SYT16: variants seen among roughly 807,000 people sequenced by gnomAD.
The protein encoded by SYT16 is synaptotagmin 16.
SYT16 carries 42 observed loss-of-function variants against 61.4 expected under a neutral mutation model. That is an observed-to-expected ratio of 0.68 (90% CI 0.53 to 0.89). The LOEUF is 0.89. SYT16 is among the 40% of genes least tolerant of loss of function. The probability of loss-of-function intolerance (pLI) is 0.00; values close to 1 mark genes in which losing one functional copy is unlikely to be tolerated. For synonymous variants in SYT16, 314 were observed against 302.3 expected (o/e 1.04, Z -0.40); for missense variants, 804 against 807.3 (o/e 1.00, Z 0.05).
At chr14:62,077,320 A>G (rs1347692425) in intron 5 of SYT16, among the ~76,000 whole-genome samples, 1 of 152,232 alleles carries the variant, frequency 6.6e-6, no homozygotes, top group East Asian at 1.9e-4. Context: ...TTGGAGCTCA[A>G]GGAATCATTT....
rs140979345 is a variant in SYT16 at position 62,077,279 on chromosome 14, G to A, written c.993+1888G>A. ...CCTGGGTTTTGACAATTTGACACAA[G>A]TATTCTCATCTTAAGGAAAAGCCCA... On this transcript the variant is annotated intron_variant, in intron 5 of 7. Coordinates refer to ENST00000683842, the MANE Select transcript of SYT16 (RefSeq NM_001367656.1). Among the ~76,000 whole-genome samples the A allele has an allele frequency of 2.3e-3, 354 of 152,324 alleles. 1 individual carries two copies. The highest frequency in any genetic ancestry group is 3.5e-3 in the Non-Finnish European group (241 of 68,022).
rs2047680299 is a variant in SYT16 at position 61,881,056 on chromosome 14, A to C, written c.-325+68246A>C. 2.6e-5 allele frequency among the ~76,000 whole-genome samples: 4 copies of C among 152,228 alleles called. No homozygotes were observed. In the South Asian group the frequency reaches 8.3e-4, roughly 32 times the overall value. On this transcript the variant is annotated intron_variant, in intron 1 of 7. Coordinates refer to ENST00000683842, the MANE Select transcript of SYT16 (RefSeq NM_001367656.1). ...AAACAGAACATTATTTGCATCCATG[A>C]AGCCCCCCTGGTGCTCTCTTCCATC...
chr14:61,837,849 C>T (rs1463640426), intron 1 of SYT16, among the ~76,000 whole-genome samples: 1 of 152,228 alleles, frequency 6.6e-6, no homozygotes, highest in Non-Finnish European at 1.5e-5. Context: ...ATGTCTTTCT[C>T]AGTATCCAGC....
In SYT16 at chr14:62,107,006, C is replaced by T. The variant is rs2057525725; in HGVS notation, c.*6299C>T. 6.6e-6 allele frequency: 1 copy of T among 151,660 alleles called. No homozygotes were observed. Among genetic ancestry groups the T allele is most frequent in the African/African-American group, 2.4e-5 (1 of 41,224 alleles). The allele number at this position is 151,660 out of a possible 1,614,324, so 9.4% of individuals were successfully genotyped here. A position where few individuals can be genotyped will look rare whatever the true frequency, so the allele number is the denominator to read the frequency against. On this transcript the variant is annotated 3_prime_UTR_variant, in exon 8 of 8. Transcript: ENST00000683842. ...TGAGTGACAGTGTTACCAGTTTTAC[C>T]TTGAGGATGATGAGAAGGCTGACTT...
chr14:62,067,800 AAAACAAACAAAC>A (rs137880362), intron 3 of SYT16, among the ~76,000 whole-genome samples: 3 of 151,620 alleles, frequency 2.0e-5, no homozygotes, highest in South Asian at 2.1e-4. Context: ...TGTCTCTACT[AAAACAAACAAAC>A]AAACAAACAA....
chr14:61,932,224 C>T (rs1239960638), intron 1 of SYT16, among the ~76,000 whole-genome samples: 4 of 152,194 alleles, frequency 2.6e-5, no homozygotes, highest in East Asian at 3.8e-4. Flanking sequence ...GGGTTGGCCT[C>T]GCCTTTCTGA....
chr14:61,858,956 G>A (rs1238996691), intron 1 of SYT16, among the ~76,000 whole-genome samples: 9 of 150,872 alleles, frequency 6.0e-5, no homozygotes, highest in Admixed American at 3.9e-4. Context: ...CTGGGTTCAC[G>A]CCATTCTCCT....
intron 2 of SYT16, among the ~76,000 whole-genome samples, chr14:61,976,627 C>G (rs1010751866): frequency 6.6e-6 from 1 of 152,140 alleles, no homozygotes; most frequent in Non-Finnish European, 1.5e-5. Context: ...TATGTTGGCC[C>G]CTTTTAGCCA....
intron 1 of SYT16, among the ~76,000 whole-genome samples, chr14:61,874,378 G>A (rs572904143): frequency 6.6e-5 from 10 of 152,178 alleles, no homozygotes; most frequent in Non-Finnish European, 8.8e-5. Context: ...CCGACTTTTT[G>A]TATGAGTGGG....
intron 1 of SYT16, among the ~76,000 whole-genome samples, chr14:61,954,348 G>A (rs2050788889): frequency 6.9e-6 from 1 of 144,702 alleles, no homozygotes. Context: ...ACCATGGAAT[G>A]AAATTTACAA....
intron 3 of SYT16, among the ~76,000 whole-genome samples, chr14:62,044,476 G>A (rs2054881818): frequency 6.6e-6 from 1 of 151,790 alleles, no homozygotes; most frequent in Non-Finnish European, 1.5e-5. Context: ...AACAGGCCCT[G>A]GTGTGTGATG....
At chr14:62,061,886 T>C (rs914128125) in intron 3 of SYT16, among the ~76,000 whole-genome samples, 5 of 152,286 alleles carry the variant, frequency 3.3e-5, no homozygotes, top group African/African-American at 9.6e-5. Flanking sequence ...CTTTCAGAAA[T>C]TGGATCTCCT....
chr14:61,828,390 G>T lies in SYT16; in HGVS notation c.-325+15580G>T, dbSNP rs186132868. On this transcript the variant is annotated intron_variant, in intron 1 of 7. Transcript: ENST00000683842. ...CTCTTCTTTCACTCCTGATGATCCAGATTTCTCTTAATAATATTTCCCTTC... is the reference window on the plus strand; with the variant it reads ...CTCTTCTTTCACTCCTGATGATCCATATTTCTCTTAATAATATTTCCCTTC... Among the ~76,000 whole-genome samples, 148 of 152,318 alleles carry T rather than the reference G, an allele frequency of 9.7e-4. 2 individuals carry two copies. Among genetic ancestry groups the T allele is most frequent in the Admixed American group, 3.5e-3 (53 of 15,300 alleles).
intron 1 of SYT16, among the ~76,000 whole-genome samples, chr14:61,849,678 G>T (rs541925863): frequency 9.4e-6 from 1 of 106,666 alleles, no homozygotes; most frequent in East Asian, 2.4e-4. Flanking sequence ...ACCTCATGTG[G>T]CCACTGTCGG....
intron 1 of SYT16, among the ~76,000 whole-genome samples, chr14:61,903,501 A>G: frequency 6.6e-6 from 1 of 152,230 alleles, no homozygotes; most frequent in Non-Finnish European, 1.5e-5. Flanking sequence ...AAATTAGGTT[A>G]TGAATAAAGA....
At position 62,080,967 on chromosome 14, in the gene SYT16, G is replaced by A; in HGVS notation, c.1127G>A (p.Gly376Asp). ...KLTVTIVRAQGLPDKDRSGVN... is the reference protein window; with the variant it reads ...KLTVTIVRAQDLPDKDRSGVN... ...ACAGTGACCATTGTGAGGGCACAGG[G>A]CCTCCCAGATAAGGACCGAAGTGGT... is the stretch of plus-strand genomic sequence containing the variant. The change falls in exon 6 of 8, where the codon GGC becomes GAC. Residue 376 changes from glycine (G) to aspartate (D), a missense_variant. Transcript: ENST00000683842. 6.2e-7 allele frequency: 1 copy of A among 1,612,630 alleles called. No individual in the cohort carries two copies. Among genetic ancestry groups the A allele is most frequent in the Non-Finnish European group, 8.5e-7 (1 of 1,179,306 alleles).
At chr14:62,075,054 T>C in intron 4 of SYT16, 81 bp from the exon 5 acceptor site, 1 of 1,442,842 alleles carries the variant, frequency 6.9e-7, no homozygotes, top group South Asian at 1.4e-5. Flanking sequence ...TTGATTGTTG[T>C]GACTGCAATT....
At chr14:61,915,712 A>G (rs1412820777) in intron 1 of SYT16, among the ~76,000 whole-genome samples, 3 of 152,182 alleles carry the variant, frequency 2.0e-5, no homozygotes, top group Admixed American at 6.6e-5. Flanking sequence ...TGCTGGGAAA[A>G]TTGCTCCTGT....
intron 3 of SYT16, among the ~76,000 whole-genome samples, chr14:62,056,752 A>G (rs2055574633): frequency 6.6e-6 from 1 of 151,846 alleles, no homozygotes. Flanking sequence ...TGAATTTTCT[A>G]CTCTGTGCAC....
Sources: allele counts gnomAD v4.1 joint callset (sites outside exome capture counted in the v4.1 genomes callset), GRCh38; gene constraint gnomAD v4.1.1; transcripts MANE v1.5; gene names NCBI Gene and HGNC (gene_info 2026-07-23, HGNC 2026-07-21).